The following MYO15B variants were observed in gnomAD, a reference collection of about 807,000 sequenced individuals.
MYO15B encodes myosin XVB.
In MYO15B, 207 loss-of-function variants were observed where a neutral mutation model predicts 119.3. The observed-to-expected ratio is 1.73, with a 90% CI of 1.55 to 1.95. MYO15B has a LOEUF of 1.95. Ranked by LOEUF, MYO15B falls within the 30% of genes most tolerant of loss-of-function variation. MYO15B has a pLI of 0.00. For missense variants in MYO15B, 2,264 were observed against 1,203.1 expected (o/e 1.88, Z -13.04); for synonymous variants, 966 against 498.9 (o/e 1.94, Z -12.48).
chr17:75,612,055 C>T (rs1489284148), intron 25 of MYO15B, 39 bp downstream of exon 25: 13 of 699,646 alleles, frequency 1.9e-5, no homozygotes, highest in East Asian at 8.1e-5. Context: ...CTGGCCTCAC[C>T]GCTCTGAGTT....
chr17:75,589,496 A>C lies in MYO15B; in HGVS notation c.1439A>C (p.His480Pro), dbSNP rs1053879421. Residue 480 changes from histidine (H) to proline (P), a missense_variant, in exon 1 of 64, where the codon CAC becomes CCC. Coordinates refer to ENST00000645453, the Ensembl canonical transcript of MYO15B. This position sits in a 1 kb window ranked among gnomAD's most constrained non-coding sequence, Gnocchi z 4.2. Reference sequence around the variant, plus strand: ...GAGAGAGGTGACGAGGGCCGGGACCACCAGAGAGGGTACGAGGGGTGGGGC... The same window carrying C: ...GAGAGAGGTGACGAGGGCCGGGACCCCCAGAGAGGGTACGAGGGGTGGGGC... The C allele has an allele frequency of 1.3e-4, 53 of 396,184 alleles. No homozygotes were observed. The highest frequency in any genetic ancestry group is 2.2e-4 in the Non-Finnish European group (50 of 225,456). The allele number at this position is 396,184 out of a possible 1,614,324, so 24.5% of individuals were successfully genotyped here. A position where few individuals can be genotyped will look rare whatever the true frequency, so the allele number is the denominator to read the frequency against.
In MYO15B at chr17:75,596,772, A is replaced by G. The variant is rs1473918867; in HGVS notation, c.3398A>G (p.Glu1133Gly). The G allele has an allele frequency of 2.6e-5, 18 of 699,048 alleles. No individual in the cohort carries two copies. In the Admixed American group the frequency reaches 3.4e-4, roughly 13 times the overall value. The allele number at this position is 699,048 out of a possible 1,614,324, so 43.3% of individuals were successfully genotyped here. Residue 1133 changes from glutamate (E) to glycine (G), a missense_variant, in exon 14 of 64, where the codon GAG becomes GGG. Glu to Gly is a moderately conservative substitution (Grantham distance 98). Transcript: ENST00000645453. ...CCAAATGCCGGCTGTTCCCAGGAGG[A>G]GTGTCGGCGGGAGTTGCTGTCCTGG...
At chr17:75,625,355 ATC>A in intron 60 of MYO15B, 117 bp downstream of exon 60, 2 of 641,064 alleles carry the variant, frequency 3.1e-6, no homozygotes, top group South Asian at 1.8e-5. Flanking sequence ...GCCTGTGAAC[ATC>A]TGTCCTCTCC....
At position 75,601,575 on chromosome 17, in the gene MYO15B, CAG is replaced by C; in HGVS notation, c.3651+13_3651+14del. On this transcript the variant is annotated intron_variant, in intron 15 of 63. Coordinates refer to ENST00000645453, the Ensembl canonical transcript of MYO15B. ...CTGTCACCTACCAGGTACCTGGCCT[CAG>C]GGACAGACCAGGGTGAATCAGCGAG... is the stretch of plus-strand genomic sequence containing the variant. 1.4e-6 allele frequency: 1 copy of C among 702,854 alleles called. No individual in the cohort carries two copies. Among genetic ancestry groups the C allele is most frequent in the South Asian group, 1.5e-5 (1 of 67,588 alleles). The allele number at this position is 702,854 out of a possible 1,614,324, so 43.5% of individuals were successfully genotyped here.
At chr17:75,621,072 G>A (rs766982256) in exon 50 of MYO15B, 2 of 702,854 alleles carry the variant, frequency 2.8e-6, no homozygotes, top group East Asian at 2.7e-5. Context: ...GTGACGACTC[G>A]GAGGCCACCA....
chr17:75,610,264 A>G lies in MYO15B; in HGVS notation c.4386+5A>G, dbSNP rs1423934106. ...CAGAGGCGGCAGAGACTGCAGGTGC[A>G]GGGGCTTGGGTGGGGCGGTTCAGGG... On this transcript the variant is annotated splice_donor_5th_base_variant and intron_variant, in intron 22 of 63. Coordinates refer to ENST00000645453, the Ensembl canonical transcript of MYO15B. The G allele has an allele frequency of 4.3e-6, 3 of 698,004 alleles. No homozygotes were observed. The South Asian group carries it at 4.5e-5, about 10-fold the overall frequency. 43.2% of individuals were successfully genotyped at this position (698,004 alleles called of 1,614,324 possible).
At chr17:75,620,474 G>A (rs946298043) in exon 49 of MYO15B, 4 of 702,594 alleles carry the variant, frequency 5.7e-6, no homozygotes, top group Non-Finnish European at 1.0e-5. Context: ...CAGGCTGGCA[G>A]TTTGGCTCTG....
At chr17:75,623,845 A>G (rs988447800) in exon 54 of MYO15B, 2 of 685,942 alleles carry the variant, frequency 2.9e-6, no homozygotes, top group African/African-American at 3.9e-5. Flanking sequence ...GTCACGGGAC[A>G]CCCCCGGCCG....
chr17:75,603,347 G>A (rs767714912), intron 19 of MYO15B, 35 bp downstream of exon 19: 1 of 701,240 alleles, frequency 1.4e-6, no homozygotes, highest in Non-Finnish European at 2.6e-6. Context: ...GACTGACAAG[G>A]AGGCCACCGG....
At chr17:75,623,741 C>T (rs997506808) in intron 53 of MYO15B, 40 bp from the exon 54 acceptor site, 1 of 702,274 alleles carries the variant, frequency 1.4e-6, no homozygotes, top group Non-Finnish European at 2.6e-6. Flanking sequence ...AGGCTCACCG[C>T]TGCCATCCCT....
At position 75,625,862 on chromosome 17, in the gene MYO15B, C is replaced by T. The variant is rs769353991; in HGVS notation, c.8957C>T (p.Pro2986Leu). ...CCCGCAGAGGCCATGAGCCAGCTGCCCCTCTTCGGCTACACCGTCTATGGG... is the reference window on the plus strand; with the variant it reads ...CCCGCAGAGGCCATGAGCCAGCTGCTCCTCTTCGGCTACACCGTCTATGGG... Residue 2986 changes from proline to leucine, a missense_variant, in exon 62 of 64, where the codon CCC (proline) becomes CTC (leucine). By Grantham distance (98) the Pro-to-Leu change is moderately conservative. Coordinates refer to ENST00000645453, the Ensembl canonical transcript of MYO15B. 102 of 702,856 alleles carry T rather than the reference C, an allele frequency of 1.5e-4. 1 individual carries two copies. The highest frequency in any genetic ancestry group is 7.0e-4 in the South Asian group (47 of 67,594). The allele number at this position is 702,856 out of a possible 1,614,324, so 43.5% of individuals were successfully genotyped here. A position where few individuals can be genotyped will look rare whatever the true frequency, so the allele number is the denominator to read the frequency against.
In MYO15B at chr17:75,589,895, C is replaced by G; in HGVS notation, c.1838C>G (p.Pro613Arg). Reference sequence around the variant, plus strand: ...CTTGCCCCGACTGCACCCGACGGGCCTTCCCTCGACGAGAGCGGCTCCAGC... The same window carrying G: ...CTTGCCCCGACTGCACCCGACGGGCGTTCCCTCGACGAGAGCGGCTCCAGC... Residue 613 changes from proline to arginine, a missense_variant, in exon 1 of 64, where the codon CCT becomes CGT. Coordinates refer to ENST00000645453, the Ensembl canonical transcript of MYO15B. This position sits in a 1 kb window ranked among gnomAD's most constrained non-coding sequence, Gnocchi z 4.2. 1 of 398,670 alleles carries G rather than the reference C, an allele frequency of 2.5e-6. No individual in the cohort carries two copies. Among genetic ancestry groups the G allele is most frequent in the Non-Finnish European group, 4.4e-6 (1 of 226,010 alleles). The allele number at this position is 398,670 out of a possible 1,614,324, so 24.7% of individuals were successfully genotyped here.
chr17:75,594,524 C>T lies in MYO15B; in HGVS notation c.3041C>T (p.Thr1014Ile), dbSNP rs1187095218. 9.5e-6 allele frequency: 6 copies of T among 628,308 alleles called. No individual in the cohort carries two copies. In the South Asian group the frequency reaches 1.1e-4, roughly 11 times the overall value. The allele number at this position is 628,308 out of a possible 1,614,324, so 38.9% of individuals were successfully genotyped here. A position where few individuals can be genotyped will look rare whatever the true frequency, so the allele number is the denominator to read the frequency against. The change falls in exon 10 of 64, where the codon ACA becomes ATA. Residue 1014 changes from threonine (T) to isoleucine (I), a missense_variant. Transcript: ENST00000645453. ...GTGTCTAGCTGGGCTGAGATCCACA[C>T]AGCAGCCCGACTGCTGCGGGTACCA...
At chr17:75,604,483 T>G (rs1260622629) in intron 19 of MYO15B, among the ~76,000 whole-genome samples, 1 of 18,844 alleles carries the variant, frequency 5.3e-5, no homozygotes, top group African/African-American at 2.1e-4. Context: ...CGCCCCTCCC[T>G]CCCTTCCACG....
intron 51 of MYO15B, 31 bp downstream of exon 51, chr17:75,621,439 G>A (rs750208159): frequency 2.7e-5 from 19 of 698,524 alleles, no homozygotes; most frequent in African/African-American, 3.5e-5. Flanking sequence ...GGTCTGGCCC[G>A]TAGATCTGCC....
chr17:75,614,888 C>T (rs1251322483), intron 32 of MYO15B, 39 bp downstream of exon 32: 5 of 702,780 alleles, frequency 7.1e-6, no homozygotes, highest in East Asian at 2.7e-5. Flanking sequence ...CTGCCCCAAC[C>T]CCCCGGGGCC....
chr17:75,608,459 T>A (rs569135675), intron 21 of MYO15B, among the ~76,000 whole-genome samples: 137 of 151,982 alleles, frequency 9.0e-4, no homozygotes, highest in Middle Eastern at 3.4e-3. Context: ...ATTAAAAAAA[T>A]TTTTTTGAGA....
intron 14 of MYO15B, among the ~76,000 whole-genome samples, chr17:75,598,527 CAAAA>C (rs34267285): frequency 7.7e-4 from 16 of 20,648 alleles, no homozygotes; most frequent in Non-Finnish European, 1.1e-3. Context: ...GACTCCATCT[CAAAA>C]AAAAAAAAAA....
intron 45 of MYO15B, 23 bp from the exon 46 acceptor site, chr17:75,619,658 C>T (rs759571526): frequency 1.3e-5 from 9 of 702,370 alleles, no homozygotes; most frequent in Admixed American, 8.0e-5. Context: ...GGAGACTGCC[C>T]GAGACCCACC....
Sources: allele counts gnomAD v4.1 joint callset (sites outside exome capture counted in the v4.1 genomes callset), GRCh38; gene constraint gnomAD v4.1.1; non-coding constraint Gnocchi (gnomAD v3.1); transcripts MANE v1.5; gene names NCBI Gene and HGNC (gene_info 2026-07-23, HGNC 2026-07-21).